The following ZNF148 variants were observed in gnomAD, a reference collection of about 807,000 sequenced individuals.
The protein encoded by ZNF148 is Beta-Enolase Repressor Factor-1.
Under a neutral mutation model 67.7 loss-of-function variants are expected in ZNF148, and 7 were observed. The ratio of observed to expected loss-of-function variants is 0.10; its 90% confidence interval spans 0.06 to 0.19. The LOEUF (loss-of-function observed/expected upper bound fraction) is 0.19. ZNF148 is among the 10% of genes least tolerant of loss of function. The pLI is 1.00. For synonymous variants in ZNF148, 333 were observed against 330.7 expected (o/e 1.01, Z -0.08); for missense variants, 583 against 947.1 (o/e 0.62, Z 5.05).
chr3:125,277,977 T>C (rs988697291), intron 6 of ZNF148, among the ~76,000 whole-genome samples, 168 bp from the exon 7 acceptor site: 5 of 152,146 alleles, frequency 3.3e-5, no homozygotes, highest in African/African-American at 7.2e-5. Context: ...TCAATTTTTT[T>C]CCCAGGATTT....
intron 4 of ZNF148, among the ~76,000 whole-genome samples, chr3:125,309,428 T>A (rs1460195925): frequency 6.6e-6 from 1 of 152,138 alleles, no homozygotes; most frequent in Non-Finnish European, 1.5e-5. Context: ...GAAAGAGACA[T>A]CTTTTAAGGT....
intron 2 of ZNF148, among the ~76,000 whole-genome samples, chr3:125,328,843 C>T (rs925903843): frequency 3.3e-5 from 5 of 152,002 alleles, no homozygotes; most frequent in Non-Finnish European, 7.4e-5. Context: ...AAAAGTTTGA[C>T]ACTAGCTAGT....
At chr3:125,282,033 C>T (rs1177949881) in intron 5 of ZNF148, among the ~76,000 whole-genome samples, 2 of 152,098 alleles carry the variant, frequency 1.3e-5, no homozygotes, top group Non-Finnish European at 2.9e-5. Context: ...GCCTGCTGTC[C>T]ATAACAATTA....
chr3:125,354,676 G>C (rs1942278309), intron 1 of ZNF148, among the ~76,000 whole-genome samples: 1 of 152,226 alleles, frequency 6.6e-6, no homozygotes, highest in Admixed American at 6.5e-5. Flanking sequence ...AGATGTTTCA[G>C]TAATTCTGGT....
At chr3:125,368,987 C>T (rs1406346607) in intron 1 of ZNF148, among the ~76,000 whole-genome samples, 5 of 146,844 alleles carry the variant, frequency 3.4e-5, no homozygotes, top group East Asian at 4.1e-4. Flanking sequence ...TTGGGCTCGG[C>T]GCAGTGGCTC....
chr3:125,278,781 C>T (rs928017101), intron 6 of ZNF148, among the ~76,000 whole-genome samples: 14 of 152,010 alleles, frequency 9.2e-5, no homozygotes, highest in African/African-American at 3.4e-4. Context: ...TTTCCAAATC[C>T]ATGTTTTAAA....
At chr3:125,258,446 G>T (rs1172723928) in intron 7 of ZNF148, among the ~76,000 whole-genome samples, 1 of 74,332 alleles carries the variant, frequency 1.3e-5, no homozygotes, top group African/African-American at 5.5e-5. Context: ...AAAAAAAAAA[G>T]GGGGATAGCA....
chr3:125,313,296 G>A lies in ZNF148; in HGVS notation c.333+12C>T. On this transcript the variant is annotated intron_variant, in intron 4 of 8. Transcript: ENST00000360647. ...GTTTCTAAGTTTAATATCTTATAAA[G>A]GAATTACTTACAGGGACATTAAGTG... 1 of 1,585,462 alleles carries A rather than the reference G, an allele frequency of 6.3e-7. No individual in the cohort carries two copies. Among genetic ancestry groups the A allele is most frequent in the Non-Finnish European group, 8.6e-7 (1 of 1,160,948 alleles).
intron 4 of ZNF148, among the ~76,000 whole-genome samples, chr3:125,309,641 G>A (rs535063271): frequency 3.9e-5 from 6 of 152,176 alleles, no homozygotes; most frequent in East Asian, 1.9e-4. Flanking sequence ...GGCTATTTCC[G>A]CCCATGCAAA....
At chr3:125,244,687 G>A (rs1936518006) in intron 7 of ZNF148, among the ~76,000 whole-genome samples, 1 of 151,944 alleles carries the variant, frequency 6.6e-6, no homozygotes, top group African/African-American at 2.4e-5. Context: ...TAGTAGAGAT[G>A]GGGTTTCACC....
chr3:125,366,276 T>C (rs1194997440), intron 1 of ZNF148, among the ~76,000 whole-genome samples: 4 of 152,212 alleles, frequency 2.6e-5, no homozygotes, highest in African/African-American at 7.2e-5. Context: ...ATACAGTGGG[T>C]AAACAGAAGA....
intron 7 of ZNF148, among the ~76,000 whole-genome samples, chr3:125,259,801 C>A (rs1937255376): frequency 6.6e-6 from 1 of 152,152 alleles, no homozygotes; most frequent in African/African-American, 2.4e-5. Flanking sequence ...TTTTCCTTTG[C>A]ATTCACAACT....
chr3:125,316,059 T>C (rs1479722994), intron 3 of ZNF148, among the ~76,000 whole-genome samples: 1 of 152,306 alleles, frequency 6.6e-6, no homozygotes, highest in Non-Finnish European at 1.5e-5. Context: ...TGAGTTCAAC[T>C]GTTTTGATTT....
At chr3:125,333,540 G>A (rs35915240) in intron 1 of ZNF148, among the ~76,000 whole-genome samples, 116,768 of 151,580 alleles carry the variant, frequency 0.77, 45,498 homozygotes, top group African/African-American at 0.85. Flanking sequence ...CAAGAAGGGG[G>A]GAAGAGAACC....
intron 4 of ZNF148, among the ~76,000 whole-genome samples, chr3:125,297,895 C>T (rs375640687): frequency 7.2e-5 from 11 of 152,252 alleles, no homozygotes; most frequent in Non-Finnish European, 1.2e-4. Context: ...TACATACACA[C>T]ACAAGTGACA....
chr3:125,333,561 G>C (rs935162501), intron 1 of ZNF148, among the ~76,000 whole-genome samples: 2 of 152,142 alleles, frequency 1.3e-5, no homozygotes, highest in Non-Finnish European at 2.9e-5. Context: ...TACTAAGATG[G>C]AAACGGAAAC....
intron 7 of ZNF148, among the ~76,000 whole-genome samples, chr3:125,249,624 C>CA (rs1007263858): frequency 5.0e-4 from 75 of 150,202 alleles, no homozygotes; most frequent in African/African-American, 1.3e-3. Context: ...CCTAAAAAAA[C>CA]AAAAAAAAAC....
At chr3:125,371,377 G>GAC (rs1559789379) in intron 1 of ZNF148, among the ~76,000 whole-genome samples, 22 of 90,380 alleles carry the variant, frequency 2.4e-4, no homozygotes, top group Non-Finnish European at 3.6e-4. Context: ...AAAAAAGGGG[G>GAC]GGGGGGGGGC....
At chr3:125,352,176 A>C (rs1293049985) in intron 1 of ZNF148, among the ~76,000 whole-genome samples, 1 of 151,956 alleles carries the variant, frequency 6.6e-6, no homozygotes, top group South Asian at 2.1e-4. Context: ...GAATGAATAC[A>C]AAAAAAAGTG....
Sources: gnomAD v4.1 joint callset for allele counts (sites outside exome capture counted in the v4.1 genomes callset) on GRCh38, gnomAD v4.1.1 for gene constraint, MANE v1.5 for transcripts, NCBI Gene and HGNC (gene_info 2026-07-23, HGNC 2026-07-21) for gene names.